Variants in DENND5A observed in about 807,000 individuals in gnomAD.
DENND5A encodes the protein DENN domain containing 5A.
A neutral mutation model predicts 140.3 loss-of-function variants in DENND5A; 64 were observed. The ratio of observed to expected loss-of-function variants is 0.46; its 90% CI spans 0.37 to 0.56. DENND5A has a LOEUF of 0.56. Among genes scored for constraint, DENND5A ranks in the 20% least tolerant of loss-of-function variants. DENND5A has a pLI of 0.00. For missense variants in DENND5A, 1,292 were observed against 1,593.8 expected, an observed-to-expected ratio of 0.81 and a Z score of 3.22; for synonymous variants, 605 against 607.7, an observed-to-expected ratio of 1.00 and a Z score of 0.07.
chr11:9,210,511 CTGTTT>C (rs957252379), intron 1 of DENND5A, among the ~76,000 whole-genome samples: 1 of 152,082 alleles, frequency 6.6e-6, no homozygotes, highest in Non-Finnish European at 1.5e-5. Context: ...TTTATCTGTT[CTGTTT>C]TGACCAAGCC....
intron 10 of DENND5A, among the ~76,000 whole-genome samples, chr11:9,166,490 T>C (rs905627515): frequency 6.6e-6 from 1 of 152,174 alleles, no homozygotes; most frequent in African/African-American, 2.4e-5. Context: ...GTTTCTGTTT[T>C]AGCTGATGTA....
intron 10 of DENND5A, among the ~76,000 whole-genome samples, chr11:9,166,654 A>G (rs1444538404): frequency 6.6e-6 from 1 of 151,930 alleles, no homozygotes; most frequent in South Asian, 2.1e-4. Context: ...CAACACAGTG[A>G]AACTCCATCT....
intron 8 of DENND5A, 139 bp from the exon 9 acceptor site, chr11:9,170,916 G>T: frequency 7.1e-7 from 1 of 1,406,360 alleles, no homozygotes; most frequent in African/African-American, 1.4e-5. Flanking sequence ...TGATTTTCCT[G>T]CCTAATAGGA....
At chr11:9,154,875 C>T (rs959302220) in intron 12 of DENND5A, among the ~76,000 whole-genome samples, 3 of 151,662 alleles carry the variant, frequency 2.0e-5, no homozygotes, top group Non-Finnish European at 1.5e-5. Flanking sequence ...GTTGACTGGG[C>T]GCAGTGGCTC....
chr11:9,261,117 C>T (rs1358557849), intron 1 of DENND5A, among the ~76,000 whole-genome samples: 1 of 152,176 alleles, frequency 6.6e-6, no homozygotes, highest in Non-Finnish European at 1.5e-5. Context: ...TCCCAAAGTA[C>T]TGGGATTACA....
At position 9,222,494 on chromosome 11, in the gene DENND5A, T is replaced by C. The variant is rs541001384; in HGVS notation, c.110-14862A>G. 1.6e-4 allele frequency among the ~76,000 whole-genome samples: 25 copies of C among 152,242 alleles called. No individual in the cohort carries two copies. In the South Asian group the frequency reaches 5.0e-3, roughly 30 times the overall value. Reference sequence around the variant, plus strand: ...AATAGTAAAAGAAAAATTTAATGTTTCCAGGAACTTTTTTATATGAAGTTG... The same window carrying C: ...AATAGTAAAAGAAAAATTTAATGTTCCCAGGAACTTTTTTATATGAAGTTG... On this transcript the variant is annotated intron_variant, in intron 1 of 22. Coordinates refer to ENST00000328194, the MANE Select transcript of DENND5A (RefSeq NM_015213.4).
chr11:9,195,848 A>C (rs1849305476), intron 4 of DENND5A, among the ~76,000 whole-genome samples: 1 of 152,170 alleles, frequency 6.6e-6, no homozygotes, highest in Non-Finnish European at 1.5e-5. Context: ...AAACCCTTGG[A>C]AGCTACTGGG....
At chr11:9,261,976 T>G (rs1852222606) in intron 1 of DENND5A, among the ~76,000 whole-genome samples, 1 of 152,064 alleles carries the variant, frequency 6.6e-6, no homozygotes, top group Non-Finnish European at 1.5e-5. Flanking sequence ...CTTTACACAT[T>G]TTATACAACT....
rs1441025227 is a variant in DENND5A at position 9,144,127 on chromosome 11, G to C, written c.3274C>G (p.Leu1092Val). ...LQQSPSVIRRLVTISPNNKPK... is the reference protein window; with the variant it reads ...LQQSPSVIRRVVTISPNNKPK... ...TTGTTGTTGGGTGAGATGGTAACAA[G>C]CCTCCGGATGACACTGGGGGACTGC... The change falls in exon 19 of 23, where the codon CTT becomes GTT. Residue 1092 changes from leucine to valine, a missense_variant. Leu to Val is a conservative substitution (Grantham distance 32). This residue lies in a region of DENND5A where 498 missense variants were observed against 689.7 expected (regional missense o/e 0.72). Coordinates refer to ENST00000328194, the MANE Select transcript of DENND5A (RefSeq NM_015213.4). 6.2e-7 allele frequency: 1 copy of C among 1,613,976 alleles called. No individual in the cohort carries two copies. Among genetic ancestry groups the C allele is most frequent in the Admixed American group, 1.7e-5 (1 of 59,980 alleles).
At chr11:9,224,994 G>GT (rs1317890707) in intron 1 of DENND5A, among the ~76,000 whole-genome samples, 1 of 151,952 alleles carries the variant, frequency 6.6e-6, no homozygotes, top group Non-Finnish European at 1.5e-5. Flanking sequence ...TTTGAATGTA[G>GT]TTCATATGAC....
At position 9,180,869 on chromosome 11, in the gene DENND5A, G is replaced by A; in HGVS notation, c.1353C>T (p.Asn451=). Residue 451 remains asparagine, a synonymous_variant, in exon 6 of 23, where the codon AAC becomes AAT. Coordinates refer to ENST00000328194, the MANE Select transcript of DENND5A (RefSeq NM_015213.4). Reference sequence around the variant, plus strand: ...AGGAATGCAAAGGGGAGCCAGCAATGTTCCCATTCCTCTTGTCCGAGACAA... The same window carrying A: ...AGGAATGCAAAGGGGAGCCAGCAATATTCCCATTCCTCTTGTCCGAGACAA... ...SELVSDKRNG[N]IAGSPLHSYE... 1 of 1,614,192 alleles carries A rather than the reference G, an allele frequency of 6.2e-7. No homozygotes were observed. Among genetic ancestry groups the A allele is most frequent in the Middle Eastern group, 1.6e-4 (1 of 6,062 alleles).
chr11:9,226,101 TATC>T (rs553150461), intron 1 of DENND5A, among the ~76,000 whole-genome samples: 38 of 152,120 alleles, frequency 2.5e-4, no homozygotes, highest in Non-Finnish European at 4.7e-4. Context: ...TCATCATCAT[TATC>T]ATCATCATCA....
At chr11:9,141,526 C>T (rs1847239392) in intron 22 of DENND5A, among the ~76,000 whole-genome samples, 1 of 152,188 alleles carries the variant, frequency 6.6e-6, no homozygotes. Context: ...CTGTCACCAG[C>T]CCCCAGGCCT....
intron 9 of DENND5A, chr11:9,170,238 T>C (rs1254164066): frequency 5.1e-6 from 5 of 978,448 alleles, no homozygotes; most frequent in Non-Finnish European, 6.1e-6. Flanking sequence ...TTTGATACAG[T>C]CATCTTCAAA....
At position 9,265,182 on chromosome 11, in the gene DENND5A, C is replaced by CGGGCCGCCGCCCCCGCGGT. The variant is rs1564951695; in HGVS notation, c.-114_-113insACCGCGGGGGCGGCGGCCC. 1.0e-5 allele frequency: 5 copies of CGGGCCGCCGCCCCCGCGGT among 493,756 alleles called. No individual in the cohort carries two copies. The highest frequency in any genetic ancestry group is 4.2e-5 in the African/African-American group (2 of 47,062). 30.6% of individuals were successfully genotyped at this position (493,756 alleles called of 1,614,324 possible). A position where few individuals can be genotyped will look rare whatever the true frequency, so the allele number is the denominator to read the frequency against. ...CCTCCCGCCGCCGCCGCTACCGCGG[C>CGGGCCGCCGCCCCCGCGGT]TCGGGCCGCCGCCCCCGGCCCTGGC... is the stretch of plus-strand genomic sequence containing the variant. On this transcript the variant is annotated 5_prime_UTR_variant, in exon 1 of 23. The change abolishes the stop of an existing upstream ORF in the 5' untranslated region. Transcript: ENST00000328194. The surrounding 1 kb of genome is among the most constrained non-coding windows in gnomAD (Gnocchi z 4.7).
At chr11:9,180,499 C>G (rs1848692191) in intron 6 of DENND5A, among the ~76,000 whole-genome samples, 1 of 152,168 alleles carries the variant, frequency 6.6e-6, no homozygotes, top group Admixed American at 6.5e-5. Flanking sequence ...CATGGTCTCT[C>G]CAATCACTGT....
At chr11:9,147,841 A>C (rs1331473012) in intron 15 of DENND5A, among the ~76,000 whole-genome samples, 1 of 152,144 alleles carries the variant, frequency 6.6e-6, no homozygotes, top group Non-Finnish European at 1.5e-5. Context: ...TCTTCCCCCA[A>C]ATAGAGGAGA....
At chr11:9,206,556 C>A in intron 3 of DENND5A, 117 bp downstream of exon 3, 1 of 754,344 alleles carries the variant, frequency 1.3e-6, no homozygotes, top group Non-Finnish European at 2.3e-6. Context: ...GCATTATAAT[C>A]CTTTCTTCAA....
chr11:9,254,584 G>C (rs1005930226), intron 1 of DENND5A, among the ~76,000 whole-genome samples: 2 of 152,098 alleles, frequency 1.3e-5, no homozygotes, highest in African/African-American at 2.4e-5. Context: ...CTAGTAATCT[G>C]GGCTTCAGAG....
Sources: allele counts gnomAD v4.1 joint callset (sites outside exome capture counted in the v4.1 genomes callset), GRCh38; gene constraint gnomAD v4.1.1; regional missense constraint gnomAD v4.1.1; non-coding constraint Gnocchi (gnomAD v3.1); transcripts MANE v1.5; gene names NCBI Gene and HGNC (gene_info 2026-07-23, HGNC 2026-07-21).